CFAP263: variants seen among roughly 807,000 people sequenced by gnomAD.
CFAP263 encodes cilia and flagella associated protein 263, also known as cilia- and flagella-associated protein 263.
the CFAP263 span, among the ~76,000 whole-genome samples, chr16:58,255,810 G>A: frequency 2.6e-5 from 4 of 152,016 alleles, no homozygotes; most frequent in East Asian, 1.9e-4. Context: ...TGATCCACTC[G>A]CCTCAGCCTC....
the CFAP263 span, among the ~76,000 whole-genome samples, chr16:58,277,441 T>TA: frequency 6.6e-6 from 1 of 152,216 alleles, no homozygotes; most frequent in East Asian, 1.9e-4. Context: ...TGTTAATTTT[T>TA]AAAAAATGCA....
chr16:58,281,766 ACGAG>A, the CFAP263 span: 1 of 152,608 alleles, frequency 6.6e-6, no homozygotes, highest in East Asian at 1.9e-4. Context: ...AGACTGAACC[ACGAG>A]CAGCAGAAAG....
At chr16:58,256,376 G>A in the CFAP263 span, among the ~76,000 whole-genome samples, 1 of 152,176 alleles carries the variant, frequency 6.6e-6, no homozygotes, top group East Asian at 1.9e-4. Flanking sequence ...TGAGGAGGTA[G>A]GGCTTAAAAG....
the CFAP263 span, chr16:58,258,591 T>C: frequency 1.1e-4 from 167 of 1,472,596 alleles, 1 homozygote; most frequent in Middle Eastern, 1.2e-3. Flanking sequence ...AAATCATCCA[T>C]GTGAAGCAGC....
the CFAP263 span, among the ~76,000 whole-genome samples, chr16:58,259,567 G>A: frequency 7.2e-5 from 11 of 152,144 alleles, no homozygotes; most frequent in Non-Finnish European, 1.5e-4. Flanking sequence ...CCAAAAAATC[G>A]TAAGATCATT....
chr16:58,259,009 A>C, the CFAP263 span, among the ~76,000 whole-genome samples: 1 of 151,666 alleles, frequency 6.6e-6, no homozygotes, highest in Admixed American at 6.6e-5. Flanking sequence ...AAATAAATAA[A>C]TAAATAAATA....
chr16:58,279,344 C>A, the CFAP263 span, among the ~76,000 whole-genome samples: 2 of 152,200 alleles, frequency 1.3e-5, no homozygotes, highest in South Asian at 2.1e-4. Context: ...CTTTGTCCTG[C>A]CTCTCCTGCG....
chr16:58,265,654 T>C, the CFAP263 span, among the ~76,000 whole-genome samples: 5 of 152,170 alleles, frequency 3.3e-5, no homozygotes, highest in Admixed American at 6.5e-5. Flanking sequence ...AGCCACACTG[T>C]GCGCAGACTT....
chr16:58,255,730 T>A, the CFAP263 span, among the ~76,000 whole-genome samples: 1 of 150,368 alleles, frequency 6.7e-6, no homozygotes, highest in Admixed American at 6.6e-5. Context: ...CCCAGCTAAT[T>A]TTTTTTGTAT....
chr16:58,280,483 C>G, the CFAP263 span: 1 of 1,614,194 alleles, frequency 6.2e-7, no homozygotes, highest in Non-Finnish European at 8.5e-7. Flanking sequence ...CAAGTATGAT[C>G]CAACATGGCC....
the CFAP263 span, chr16:58,280,137 T>A: frequency 7.2e-7 from 1 of 1,387,026 alleles, no homozygotes; most frequent in East Asian, 2.3e-5. Context: ...TGTGCAACTA[T>A]CAAAAACAGA....
chr16:58,272,765 A>C, the CFAP263 span, among the ~76,000 whole-genome samples: 24 of 144,920 alleles, frequency 1.7e-4, no homozygotes, highest in East Asian at 4.8e-3. Flanking sequence ...TCTTCATCTT[A>C]ATGGCTTTTT....
chr16:58,263,477 A>G, the CFAP263 span, among the ~76,000 whole-genome samples: 6 of 152,286 alleles, frequency 3.9e-5, no homozygotes, highest in Middle Eastern at 3.4e-3. Context: ...TGCAAAACCT[A>G]AAATATTTAC....
the CFAP263 span, among the ~76,000 whole-genome samples, chr16:58,264,306 T>C: frequency 6.6e-6 from 1 of 152,196 alleles, no homozygotes; most frequent in Non-Finnish European, 1.5e-5. Context: ...TGCCTGGTCC[T>C]GTGGGGGAAA....
chr16:58,265,398 C>G, the CFAP263 span, among the ~76,000 whole-genome samples: 1 of 152,146 alleles, frequency 6.6e-6, no homozygotes, highest in Admixed American at 6.5e-5. Flanking sequence ...TGGAGGAGGT[C>G]TTCTCCATTG....
the CFAP263 span, among the ~76,000 whole-genome samples, chr16:58,257,919 C>T: frequency 1.3e-5 from 2 of 151,768 alleles, no homozygotes; most frequent in African/African-American, 4.8e-5. Flanking sequence ...ACCAGCTGGG[C>T]CAACTTGGTG....
chr16:58,279,828 C>A, the CFAP263 span: 2 of 1,383,058 alleles, frequency 1.4e-6, no homozygotes, highest in African/African-American at 1.4e-5. Flanking sequence ...TAAAAGTAAT[C>A]AGCTCCTTTC....
At chr16:58,259,947 TTTTCTC>T in the CFAP263 span, 1 of 1,554,254 alleles carries the variant, frequency 6.4e-7, no homozygotes, top group African/African-American at 1.4e-5. Context: ...ATGTGGTCCT[TTTTCTC>T]TCTCTCTCTG....
At chr16:58,254,729 C>T in the CFAP263 span, among the ~76,000 whole-genome samples, 47 of 152,022 alleles carry the variant, frequency 3.1e-4, no homozygotes, top group Non-Finnish European at 4.6e-4. Context: ...CTCAGCCTCC[C>T]TAGTAGCTGG....
Sources: gnomAD v4.1 joint callset for allele counts (sites outside exome capture counted in the v4.1 genomes callset) on GRCh38, gnomAD v4.1.1 for gene constraint, MANE v1.5 for transcripts, NCBI Gene and HGNC (gene_info 2026-07-23, HGNC 2026-07-21) for gene names.